The following CRPPA variants were observed in gnomAD, a reference collection of about 807,000 sequenced individuals.
CRPPA encodes D-ribitol-5-phosphate cytidylyltransferase.
CRPPA carries 43 observed loss-of-function variants against 52.0 expected under a neutral mutation model. That is an observed-to-expected ratio of 0.83 (90% confidence interval 0.65 to 1.07). The LOEUF (loss-of-function observed/expected upper bound fraction) is 1.07. CRPPA is among the 50% of genes least tolerant of loss of function. CRPPA has a pLI of 0.00. For missense variants in CRPPA, 629 were observed against 551.7 expected, an observed-to-expected ratio of 1.14 and a Z score of -1.40; for synonymous variants, 250 against 203.5, an observed-to-expected ratio of 1.23 and a Z score of -1.94.
At chr7:16,217,378 G>A (rs1468481553) in intron 8 of CRPPA, among the ~76,000 whole-genome samples, 2 of 151,880 alleles carry the variant, frequency 1.3e-5, no homozygotes, top group Non-Finnish European at 2.9e-5. Context: ...CTAAAACGCA[G>A]AGCACCTCTC....
chr7:16,291,876 C>T (rs537305929), intron 5 of CRPPA, among the ~76,000 whole-genome samples: 2 of 151,896 alleles, frequency 1.3e-5, no homozygotes, highest in Admixed American at 1.3e-4. Context: ...TTCCTGAACT[C>T]TAATGCAATA....
chr7:16,117,700 A>G (rs1309855341), intron 9 of CRPPA, among the ~76,000 whole-genome samples: 1 of 152,168 alleles, frequency 6.6e-6, no homozygotes, highest in Non-Finnish European at 1.5e-5. Context: ...CCAAAGAGGA[A>G]TCCTCTAACA....
chr7:16,302,924 C>G (rs967814388), intron 4 of CRPPA, among the ~76,000 whole-genome samples: 1 of 152,010 alleles, frequency 6.6e-6, no homozygotes. Flanking sequence ...AACTTCAATA[C>G]TCATTGTCAG....
At chr7:16,334,956 G>T (rs1015794778) in intron 3 of CRPPA, among the ~76,000 whole-genome samples, 3 of 151,930 alleles carry the variant, frequency 2.0e-5, no homozygotes, top group African/African-American at 7.3e-5. Context: ...CACAAATAAA[G>T]CTCCAGTAAT....
chr7:16,144,568 TGTAGAGGA>T (rs1049175489), intron 9 of CRPPA, among the ~76,000 whole-genome samples: 4 of 152,340 alleles, frequency 2.6e-5, no homozygotes, highest in African/African-American at 9.6e-5. Context: ...TACAATGGAA[TGTAGAGGA>T]GTTTATCTAA....
intron 2 of CRPPA, among the ~76,000 whole-genome samples, chr7:16,403,860 C>CAA (rs1787888757): frequency 6.7e-6 from 1 of 149,362 alleles, no homozygotes; most frequent in Non-Finnish European, 1.5e-5. Flanking sequence ...TTGAGCTGCT[C>CAA]TTTTACAGCT....
At chr7:16,163,004 C>T (rs1417428056) in intron 9 of CRPPA, among the ~76,000 whole-genome samples, 2 of 124,580 alleles carry the variant, frequency 1.6e-5, no homozygotes, top group Non-Finnish European at 3.2e-5. Flanking sequence ...GACGGAGTCT[C>T]GCTCTGTTGC....
rs71007759 is a variant in CRPPA, at chr7:16,286,097, A to AATATATAT, written c.836-7879_836-7872dup. 8.5e-3 allele frequency among the ~76,000 whole-genome samples: 332 copies of AATATATAT among 39,082 alleles called. 35 individuals are homozygous for AATATATAT. Among genetic ancestry groups the AATATATAT allele is most frequent in the Non-Finnish European group, 0.01 (248 of 24,610 alleles). 25.6% of individuals were successfully genotyped at this position (39,082 alleles called of 152,430 possible). On this transcript the variant is annotated intron_variant, in intron 5 of 9. Transcript: ENST00000407010. ...TATATATATAATATTTAAAAAAAAA[A>AATATATAT]ATATATATATATATATATATGCCAA...
At chr7:16,420,470 T>C (rs1482381212) in intron 1 of CRPPA, among the ~76,000 whole-genome samples, 2 of 152,094 alleles carry the variant, frequency 1.3e-5, no homozygotes, top group African/African-American at 4.8e-5. Flanking sequence ...TTTCCCCAAC[T>C]AGTTAACTTC....
chr7:16,410,593 G>A (rs1343807738), intron 1 of CRPPA, among the ~76,000 whole-genome samples: 1 of 152,108 alleles, frequency 6.6e-6, no homozygotes, highest in Non-Finnish European at 1.5e-5. Flanking sequence ...ACTTCTGGAT[G>A]ATCTTTCTCA....
intron 9 of CRPPA, among the ~76,000 whole-genome samples, chr7:16,103,494 A>G (rs988053695): frequency 8.5e-5 from 13 of 152,206 alleles, no homozygotes; most frequent in African/African-American, 3.1e-4. Flanking sequence ...TGAAGGCTAC[A>G]TTGTCATGAA....
chr7:16,244,696 C>G (rs1381948960), intron 8 of CRPPA, among the ~76,000 whole-genome samples: 1 of 152,150 alleles, frequency 6.6e-6, no homozygotes, highest in African/African-American at 2.4e-5. Flanking sequence ...CTTAACTAGT[C>G]TCTCCATTGA....
At chr7:16,397,050 A>G (rs1489479602) in intron 2 of CRPPA, among the ~76,000 whole-genome samples, 3 of 152,192 alleles carry the variant, frequency 2.0e-5, no homozygotes, top group African/African-American at 7.2e-5. Context: ...AACACATGTG[A>G]CACATGGGAC....
intron 2 of CRPPA, among the ~76,000 whole-genome samples, chr7:16,379,789 TTGTC>T (rs1787023859): frequency 6.6e-6 from 1 of 152,198 alleles, no homozygotes; most frequent in Admixed American, 6.5e-5. Flanking sequence ...GGCTCTCTGT[TTGTC>T]TGTTATTGAT....
intron 2 of CRPPA, among the ~76,000 whole-genome samples, chr7:16,399,484 C>T (rs75440699): frequency 7.0e-6 from 1 of 143,166 alleles, no homozygotes; most frequent in African/African-American, 2.8e-5. Flanking sequence ...GACGTTTGAT[C>T]AACACATGTG....
intron 9 of CRPPA, among the ~76,000 whole-genome samples, chr7:16,166,031 T>C (rs1177162760): frequency 6.6e-6 from 1 of 152,230 alleles, no homozygotes; most frequent in African/African-American, 2.4e-5. Context: ...TGTCTAAACA[T>C]GAACATTTTA....
intron 9 of CRPPA, among the ~76,000 whole-genome samples, chr7:16,117,096 G>C (rs1782390874): frequency 6.6e-6 from 1 of 152,166 alleles, no homozygotes; most frequent in African/African-American, 2.4e-5. Flanking sequence ...CTTATATACA[G>C]ATTTTTCCCT....
At chr7:16,258,086 C>T (rs977812184) in intron 8 of CRPPA, among the ~76,000 whole-genome samples, 1 of 152,024 alleles carries the variant, frequency 6.6e-6, no homozygotes, top group African/African-American at 2.4e-5. Context: ...AGCTGTTTTA[C>T]ATATCCAAAC....
intron 3 of CRPPA, among the ~76,000 whole-genome samples, chr7:16,342,786 T>G (rs866245741): frequency 5.2e-5 from 1 of 19,094 alleles, no homozygotes; most frequent in Non-Finnish European, 1.2e-4. Context: ...AAAAAAAATA[T>G]ATATATATAT....
Sources: allele counts gnomAD v4.1 joint callset (sites outside exome capture counted in the v4.1 genomes callset), GRCh38; gene constraint gnomAD v4.1.1; transcripts MANE v1.5; gene names NCBI Gene and HGNC (gene_info 2026-07-23, HGNC 2026-07-21).